Variants in SAMD12 observed in about 807,000 individuals in gnomAD.
The protein encoded by SAMD12 is sterile alpha motif domain-containing protein 12.
In SAMD12, 9 loss-of-function variants were observed where a neutral mutation model predicts 15.0. The ratio of observed to expected loss-of-function variants is 0.60; its 90% CI spans 0.36 to 1.05. SAMD12 has a LOEUF of 1.05. Ranked by LOEUF, SAMD12 falls within the 50% of genes least tolerant of loss-of-function variation. SAMD12 has a pLI of 0.01. For synonymous variants in SAMD12, 86 were observed against 90.1 expected, an observed-to-expected ratio of 0.96 and a Z score of 0.25; for missense variants, 230 against 234.2, an observed-to-expected ratio of 0.98 and a Z score of 0.12.
chr8:118,458,806 G>T (rs920454696), intron 2 of SAMD12, among the ~76,000 whole-genome samples: 3 of 152,096 alleles, frequency 2.0e-5, no homozygotes, highest in Admixed American at 2.0e-4. Flanking sequence ...TTGTTTTAGA[G>T]TCAAACTAGT....
rs552120112 is a variant in SAMD12 at position 118,472,001 on chromosome 8, C to G, written c.193-32040G>C. Among the ~76,000 whole-genome samples the G allele has an allele frequency of 2.3e-4, 35 of 152,248 alleles. No individual in the cohort carries two copies. The South Asian group carries it at 7.0e-3, about 31-fold the overall frequency. On this transcript the variant is annotated intron_variant, in intron 2 of 3. Transcript: ENST00000314727. ...AATTTCCTCATCTGTAAAAAGTACA[C>G]AATAGGCCGGGCGCGGTGGCTCACG...
chr8:118,272,407 G>A (rs1813382599), intron 4 of SAMD12, among the ~76,000 whole-genome samples: 2 of 152,136 alleles, frequency 1.3e-5, no homozygotes, highest in Non-Finnish European at 2.9e-5. Context: ...CTGGGCCTGG[G>A]GCCTGTGATG....
chr8:118,357,324 G>A (rs1471772470), intron 4 of SAMD12, among the ~76,000 whole-genome samples: 1 of 152,134 alleles, frequency 6.6e-6, no homozygotes, highest in Non-Finnish European at 1.5e-5. Flanking sequence ...TGCAACCTCT[G>A]CCTCTTGGGC....
intron 2 of SAMD12, among the ~76,000 whole-genome samples, chr8:118,488,269 A>G (rs1195981333): frequency 6.6e-6 from 1 of 152,170 alleles, no homozygotes; most frequent in African/African-American, 2.4e-5. Flanking sequence ...GAAGGGCTCA[A>G]AGAAAAATGT....
chr8:118,475,889 A>T (rs1407565123), intron 2 of SAMD12, among the ~76,000 whole-genome samples: 1 of 152,242 alleles, frequency 6.6e-6, no homozygotes, highest in Non-Finnish European at 1.5e-5. Context: ...CAAGCAAGGC[A>T]CTGCTAGGAT....
At chr8:118,406,367 G>A (rs1821129519) in intron 3 of SAMD12, among the ~76,000 whole-genome samples, 1 of 152,026 alleles carries the variant, frequency 6.6e-6, no homozygotes, top group African/African-American at 2.4e-5. Flanking sequence ...TCTGCCTCCT[G>A]GGTTCAAGTG....
the SAMD12 span, among the ~76,000 whole-genome samples, chr8:118,173,157 C>A: frequency 5.9e-5 from 9 of 152,334 alleles, no homozygotes; most frequent in South Asian, 1.9e-3. Context: ...TAGAATGCAA[C>A]CTCCTGAGTG....
chr8:118,582,904 C>CT lies in SAMD12; in HGVS notation c.14-2012dup, dbSNP rs375621211. Among the ~76,000 whole-genome samples, 527 of 146,074 alleles carry CT rather than the reference C, an allele frequency of 3.6e-3. 3 individuals are homozygous for CT. Among genetic ancestry groups the CT allele is most frequent in the South Asian group, 0.019 (86 of 4,582 alleles). Reference sequence around the variant, plus strand: ...CTCGGTAGTTTCATCAAGCACTGTGCTTTTTTTTTTTTCTTTCTCCATTCT... The same window carrying CT: ...CTCGGTAGTTTCATCAAGCACTGTGCTTTTTTTTTTTTTCTTTCTCCATTCT... On this transcript the variant is annotated intron_variant, in intron 1 of 3. Coordinates refer to ENST00000314727, the MANE Select transcript of SAMD12 (RefSeq NM_207506.3).
chr8:118,500,587 C>G (rs1824756064), intron 2 of SAMD12, among the ~76,000 whole-genome samples: 2 of 151,952 alleles, frequency 1.3e-5, no homozygotes. Context: ...AGGCAGATTA[C>G]CTGAGGTCAG....
intron 2 of SAMD12, among the ~76,000 whole-genome samples, chr8:118,529,956 T>G (rs139278952): frequency 5.3e-5 from 8 of 152,350 alleles, no homozygotes; most frequent in African/African-American, 1.9e-4. Context: ...ATCTCCATAC[T>G]GTTTTCCATT....
chr8:118,211,793 G>A (rs368970659), intron 4 of SAMD12, among the ~76,000 whole-genome samples: 1 of 152,074 alleles, frequency 6.6e-6, no homozygotes, highest in African/African-American at 2.4e-5. Flanking sequence ...GTTTGGTTTC[G>A]GGGGACTACA....
intron 2 of SAMD12, among the ~76,000 whole-genome samples, chr8:118,494,341 T>A (rs1034612909): frequency 9.9e-5 from 15 of 152,196 alleles, no homozygotes; most frequent in Admixed American, 5.2e-4. Flanking sequence ...TGTGTTTTTA[T>A]CCACTATGTG....
At chr8:118,504,879 A>C (rs1256204333) in intron 2 of SAMD12, among the ~76,000 whole-genome samples, 2 of 152,220 alleles carry the variant, frequency 1.3e-5, no homozygotes, top group Non-Finnish European at 2.9e-5. Flanking sequence ...ATAGCCCTAG[A>C]AGGTCCAGCC....
At chr8:118,616,189 T>A (rs1457558727) in intron 1 of SAMD12, among the ~76,000 whole-genome samples, 2 of 152,198 alleles carry the variant, frequency 1.3e-5, no homozygotes, top group Admixed American at 6.5e-5. Context: ...TAAGTACCTA[T>A]GAGGGAAACT....
At chr8:118,150,687 A>G in the SAMD12 span, among the ~76,000 whole-genome samples, 1 of 152,146 alleles carries the variant, frequency 6.6e-6, no homozygotes, top group Non-Finnish European at 1.5e-5. Context: ...TGTTGCTTTA[A>G]ATAATTGATC....
chr8:118,572,888 C>G (rs1827056159), intron 2 of SAMD12, among the ~76,000 whole-genome samples: 1 of 151,460 alleles, frequency 6.6e-6, no homozygotes. Flanking sequence ...TGGGAGGAAC[C>G]TGGTGGGAGG....
At chr8:118,499,629 A>G (rs74721603) in intron 2 of SAMD12, among the ~76,000 whole-genome samples, 4,057 of 152,286 alleles carry the variant, frequency 0.027, 173 homozygotes, top group African/African-American at 0.09. Context: ...TCATATGTCT[A>G]TGTGTTCAAG....
intron 2 of SAMD12, among the ~76,000 whole-genome samples, chr8:118,447,174 C>T (rs1402035417): frequency 6.6e-6 from 1 of 152,166 alleles, no homozygotes; most frequent in Non-Finnish European, 1.5e-5. Context: ...ATGTCAATCT[C>T]TTCATTACCA....
chr8:118,212,167 A>C (rs1171262423), intron 4 of SAMD12, among the ~76,000 whole-genome samples: 2 of 152,092 alleles, frequency 1.3e-5, no homozygotes, highest in Non-Finnish European at 2.9e-5. Context: ...TATGTGGCCC[A>C]GAATGGAGTG....
Sources: gnomAD v4.1 joint callset for allele counts (sites outside exome capture counted in the v4.1 genomes callset) on GRCh38, gnomAD v4.1.1 for gene constraint, MANE v1.5 for transcripts, NCBI Gene and HGNC (gene_info 2026-07-23, HGNC 2026-07-21) for gene names.